Variants in NCKAP5 observed in about 807,000 individuals in gnomAD.
NCKAP5 encodes the protein NCK associated protein 5.
Under a neutral mutation model 167.0 loss-of-function variants are expected in NCKAP5, and 92 were observed. That is an observed-to-expected ratio of 0.55 (90% CI 0.47 to 0.66). NCKAP5 has a LOEUF of 0.66. NCKAP5 is among the 30% of genes least tolerant of loss of function. NCKAP5 has a pLI of 0.00. For synonymous variants in NCKAP5, 891 were observed against 877.4 expected (o/e 1.02, Z -0.27); for missense variants, 2,378 against 2,315.0 (o/e 1.03, Z -0.56).
At chr2:133,181,605 A>AC (rs2084740389) in intron 5 of NCKAP5, among the ~76,000 whole-genome samples, 1 of 111,290 alleles carries the variant, frequency 9.0e-6, no homozygotes, top group Non-Finnish European at 1.9e-5. Flanking sequence ...CATCTCTACA[A>AC]AAAAAAAAAA....
At chr2:133,383,654 T>C (rs1429864348) in intron 3 of NCKAP5, among the ~76,000 whole-genome samples, 3 of 152,224 alleles carry the variant, frequency 2.0e-5, no homozygotes, top group Non-Finnish European at 4.4e-5. Context: ...TCTTCCACAA[T>C]GGTTGAACTA....
At chr2:133,168,724 A>G (rs2084110731) in intron 5 of NCKAP5, among the ~76,000 whole-genome samples, 1 of 152,280 alleles carries the variant, frequency 6.6e-6, no homozygotes, top group African/African-American at 2.4e-5. Flanking sequence ...TATAATACAT[A>G]CATTTTCAAT....
At chr2:133,505,624 T>C (rs1374342411) in intron 3 of NCKAP5, among the ~76,000 whole-genome samples, 3 of 152,122 alleles carry the variant, frequency 2.0e-5, no homozygotes, top group Non-Finnish European at 2.9e-5. Context: ...ACACGGAGGC[T>C]CAGAGAAGGC....
chr2:132,803,381 G>A (rs1225754924), intron 11 of NCKAP5, among the ~76,000 whole-genome samples: 1 of 152,158 alleles, frequency 6.6e-6, no homozygotes, highest in Non-Finnish European at 1.5e-5. Flanking sequence ...TGCTCTGGAT[G>A]GTGCCTTGGC....
intron 5 of NCKAP5, among the ~76,000 whole-genome samples, chr2:133,193,824 T>A (rs559188081): frequency 6.6e-6 from 1 of 152,192 alleles, no homozygotes; most frequent in African/African-American, 2.4e-5. Flanking sequence ...TGTCTTTTGA[T>A]ATAGAAAGAA....
intron 3 of NCKAP5, among the ~76,000 whole-genome samples, chr2:133,380,830 T>A (rs1173320367): frequency 6.6e-6 from 1 of 152,218 alleles, no homozygotes; most frequent in East Asian, 1.9e-4. Context: ...TTTAGAAGAC[T>A]AACCCCTGAG....
chr2:133,005,546 C>T (rs914823568), intron 6 of NCKAP5, among the ~76,000 whole-genome samples: 7 of 152,196 alleles, frequency 4.6e-5, no homozygotes, highest in Admixed American at 1.3e-4. Context: ...TAAAATTCCA[C>T]AAATACATGG....
chr2:132,808,889 T>C (rs1049600971), intron 11 of NCKAP5, among the ~76,000 whole-genome samples: 1 of 152,144 alleles, frequency 6.6e-6, no homozygotes, highest in Non-Finnish European at 1.5e-5. Flanking sequence ...TTCAGTCTTT[T>C]TGATATAGGC....
At chr2:133,558,112 T>C (rs1166763531) in intron 2 of NCKAP5, 1 of 152,290 alleles carries the variant, frequency 6.6e-6, no homozygotes, top group South Asian at 2.1e-4. Context: ...TTCAGATTAC[T>C]CTCCACTCTA....
At position 132,781,205 on chromosome 2, in the gene NCKAP5, C is replaced by T. The variant is rs1179457700; in HGVS notation, c.4896G>A (p.Gln1632=). ...AAGCATTACTTGATCCACTTTCTGTCTGTGGAGCTGCTTTCTTATCAACTC... is the reference window on the plus strand; with the variant it reads ...AAGCATTACTTGATCCACTTTCTGTTTGTGGAGCTGCTTTCTTATCAACTC... ...LNRVDKKAAP[Q]TESGSSNASC... The change falls in exon 15 of 20, where the codon CAG becomes CAA. Residue 1632 remains glutamine, a synonymous_variant. Transcript: ENST00000409261. 4 of 1,613,678 alleles carry T rather than the reference C, an allele frequency of 2.5e-6. No individual in the cohort carries two copies. Among genetic ancestry groups the T allele is most frequent in the Admixed American group, 1.7e-5 (1 of 59,972 alleles).
intron 8 of NCKAP5, among the ~76,000 whole-genome samples, chr2:132,945,059 T>C (rs148825512): frequency 1.3e-5 from 2 of 152,102 alleles, no homozygotes; most frequent in African/African-American, 4.8e-5. Context: ...GAGCTTTGAT[T>C]AAAACTGGCC....
chr2:133,266,694 C>G (rs935220229), intron 4 of NCKAP5, among the ~76,000 whole-genome samples: 2 of 152,164 alleles, frequency 1.3e-5, no homozygotes, highest in African/African-American at 2.4e-5. Flanking sequence ...CACCGCAGCC[C>G]GGGCACCTCG....
intron 9 of NCKAP5, among the ~76,000 whole-genome samples, chr2:132,874,399 T>C (rs971547610): frequency 1.2e-4 from 19 of 152,148 alleles, no homozygotes; most frequent in African/African-American, 4.6e-4. Context: ...TGAGCCACCA[T>C]GCCCGGCCAA....
chr2:133,247,312 C>T (rs571800256), intron 4 of NCKAP5, among the ~76,000 whole-genome samples: 3 of 152,166 alleles, frequency 2.0e-5, no homozygotes, highest in Admixed American at 2.0e-4. Context: ...TCATTAATGA[C>T]GTTGTTATAA....
intron 5 of NCKAP5, among the ~76,000 whole-genome samples, chr2:133,207,570 G>T (rs2086010290): frequency 6.6e-6 from 1 of 151,756 alleles, no homozygotes; most frequent in Admixed American, 6.6e-5. Context: ...CTAAGACGGG[G>T]GTAAGAAATA....
At chr2:132,730,524 A>G (rs1690894830) in intron 17 of NCKAP5, among the ~76,000 whole-genome samples, 1 of 152,046 alleles carries the variant, frequency 6.6e-6, no homozygotes, top group South Asian at 2.1e-4. Context: ...AAAAGACAGA[A>G]CCTTAGATAC....
intron 11 of NCKAP5, among the ~76,000 whole-genome samples, chr2:132,832,628 T>C (rs1687602711): frequency 6.6e-6 from 1 of 152,200 alleles, no homozygotes; most frequent in Admixed American, 6.5e-5. Context: ...GATTTGACTT[T>C]CTGTGTCTGG....
chr2:133,426,140 C>G (rs183571114), intron 3 of NCKAP5, among the ~76,000 whole-genome samples: 8 of 151,960 alleles, frequency 5.3e-5, no homozygotes, highest in Admixed American at 1.3e-4. Context: ...CGTGGTGGTG[C>G]GTGCCTGTAA....
intron 3 of NCKAP5, among the ~76,000 whole-genome samples, chr2:133,442,841 G>A (rs980469370): frequency 6.6e-6 from 1 of 152,220 alleles, no homozygotes; most frequent in Non-Finnish European, 1.5e-5. Context: ...AGATGGCAAG[G>A]CCTGCTGCCC....
Sources: gnomAD v4.1 joint callset for allele counts (sites outside exome capture counted in the v4.1 genomes callset) on GRCh38, gnomAD v4.1.1 for gene constraint, MANE v1.5 for transcripts, NCBI Gene and HGNC (gene_info 2026-07-23, HGNC 2026-07-21) for gene names.